Variants in TFEC observed in about 807,000 individuals in gnomAD.
TFEC encodes the protein class E basic helix-loop-helix protein 34.
In TFEC, 31 loss-of-function variants were observed where a neutral mutation model predicts 41.6. The ratio of observed to expected loss-of-function variants is 0.74; its 90% CI spans 0.56 to 1.01. The LOEUF (loss-of-function observed/expected upper bound fraction) is 1.01, where lower values mean the gene tolerates loss of function less well. Ranked by LOEUF, TFEC falls within the 50% of genes least tolerant of loss-of-function variation. The pLI is 0.00. For synonymous variants in TFEC, 143 were observed against 140.6 expected (o/e 1.02, Z -0.12); for missense variants, 402 against 404.1 (o/e 0.99, Z 0.04).
chr7:116,128,922 A>G (rs1798271345), intron 1 of TFEC, among the ~76,000 whole-genome samples: 1 of 152,214 alleles, frequency 6.6e-6, no homozygotes, highest in South Asian at 2.1e-4. Flanking sequence ...AGAAACAGAA[A>G]AAGACAATAG....
chr7:115,975,180 G>A (rs928900245), intron 2 of TFEC, among the ~76,000 whole-genome samples: 1 of 150,704 alleles, frequency 6.6e-6, no homozygotes, highest in Non-Finnish European at 1.5e-5. Context: ...TTAGCTAGGG[G>A]AGATTTTTAA....
intron 3 of TFEC, among the ~76,000 whole-genome samples, chr7:116,094,505 C>T (rs1797405053): frequency 6.6e-6 from 1 of 151,878 alleles, no homozygotes; most frequent in Admixed American, 6.6e-5. Flanking sequence ...ATGATGAAAT[C>T]CCGTCTCTAC....
intron 5 of TFEC, 73 bp downstream of exon 5, chr7:115,954,513 A>G (rs1792114004): frequency 7.8e-7 from 1 of 1,278,552 alleles, no homozygotes; most frequent in Non-Finnish European, 1.1e-6. Context: ...ATGGAGTATA[A>G]TAAAAGACCA....
intron 1 of TFEC, among the ~76,000 whole-genome samples, chr7:116,010,559 C>A (rs992235706): frequency 6.6e-6 from 1 of 152,106 alleles, no homozygotes; most frequent in Non-Finnish European, 1.5e-5. Context: ...AAATAGGTAG[C>A]TAGACGTATG....
intron 3 of TFEC, among the ~76,000 whole-genome samples, chr7:116,072,069 A>G (rs921536803): frequency 3.3e-5 from 5 of 151,560 alleles, no homozygotes; most frequent in African/African-American, 1.2e-4. Context: ...ATAGCTGAAT[A>G]TGTGTGTGTT....
At chr7:115,942,159 G>A in intron 6 of TFEC, 119 bp from the exon 7 acceptor site, 2 of 1,026,324 alleles carry the variant, frequency 1.9e-6, no homozygotes, top group South Asian at 5.3e-5. Context: ...TTCACTCTTA[G>A]ATATTATTGC....
At chr7:116,044,860 C>A (rs144525410) in intron 3 of TFEC, among the ~76,000 whole-genome samples, 1 of 152,296 alleles carries the variant, frequency 6.6e-6, no homozygotes, top group East Asian at 1.9e-4. Context: ...TTTTTTCCCC[C>A]AAATTTATTT....
At chr7:116,054,449 A>G (rs555343966) in intron 3 of TFEC, among the ~76,000 whole-genome samples, 2 of 152,298 alleles carry the variant, frequency 1.3e-5, no homozygotes, top group African/African-American at 4.8e-5. Context: ...GTGAGAGACC[A>G]AAGTACTGGA....
chr7:115,962,167 A>T (rs36106227), intron 3 of TFEC, among the ~76,000 whole-genome samples: 20,784 of 151,804 alleles, frequency 0.14, 1,926 homozygotes, highest in Non-Finnish European at 0.21. Context: ...ACTGAAAACT[A>T]AAAAATACTG....
intron 1 of TFEC, among the ~76,000 whole-genome samples, chr7:116,139,063 C>T (rs2116373820): frequency 6.6e-6 from 1 of 152,238 alleles, no homozygotes; most frequent in Non-Finnish European, 1.5e-5. Context: ...TCTGGGGTTG[C>T]CGTGGCAGAT....
At chr7:116,004,295 A>G (rs1263626491) in intron 1 of TFEC, among the ~76,000 whole-genome samples, 2 of 152,222 alleles carry the variant, frequency 1.3e-5, no homozygotes, top group African/African-American at 2.4e-5. Context: ...AAAAGAATAA[A>G]TATCTATACA....
chr7:116,057,625 T>C (rs1796459526), intron 3 of TFEC, among the ~76,000 whole-genome samples: 1 of 151,910 alleles, frequency 6.6e-6, no homozygotes. Context: ...ATTATTTAAG[T>C]ATCTCTAAAA....
chr7:116,069,731 T>C (rs899157549), intron 3 of TFEC, among the ~76,000 whole-genome samples: 2 of 151,806 alleles, frequency 1.3e-5, no homozygotes, highest in Non-Finnish European at 3.0e-5. Flanking sequence ...CTGCTTTAGT[T>C]GATGGGGTTC....
At chr7:116,111,878 T>G (rs1234971631) in intron 2 of TFEC, 1 of 361,292 alleles carries the variant, frequency 2.8e-6, no homozygotes, top group Non-Finnish European at 3.9e-6. Flanking sequence ...AAACTCTGGT[T>G]TTAGTGTTTA....
intron 1 of TFEC, among the ~76,000 whole-genome samples, chr7:116,022,333 A>G (rs890533783): frequency 2.0e-5 from 3 of 152,194 alleles, no homozygotes; most frequent in African/African-American, 7.2e-5. Context: ...GTAATTTCTC[A>G]GCTTTCACAA....
At chr7:115,944,013 A>AT (rs1160114562) in intron 6 of TFEC, among the ~76,000 whole-genome samples, 792 of 22,798 alleles carry the variant, frequency 0.035, 142 homozygotes, top group African/African-American at 0.084. Context: ...ACAGGTCTGA[A>AT]TTTTTTTTTT....
intron 3 of TFEC, among the ~76,000 whole-genome samples, chr7:116,057,668 A>G (rs980170844): frequency 1.3e-5 from 2 of 151,904 alleles, no homozygotes; most frequent in African/African-American, 4.8e-5. Flanking sequence ...TTGATAATTG[A>G]CTATCTAAAC....
intron 1 of TFEC, among the ~76,000 whole-genome samples, chr7:115,992,154 C>T (rs932506880): frequency 2.6e-5 from 4 of 152,124 alleles, no homozygotes; most frequent in African/African-American, 9.7e-5. Flanking sequence ...TTCTTTGAAA[C>T]CAATGAGAAC....
chr7:116,141,129 C>T (rs997732951), intron 1 of TFEC, among the ~76,000 whole-genome samples: 1 of 151,992 alleles, frequency 6.6e-6, no homozygotes, highest in African/African-American at 2.4e-5. Flanking sequence ...TAAGTAAGTG[C>T]TGTAAGAGTT....
Sources: allele counts gnomAD v4.1 joint callset (sites outside exome capture counted in the v4.1 genomes callset), GRCh38; gene constraint gnomAD v4.1.1; transcripts MANE v1.5; gene names NCBI Gene and HGNC (gene_info 2026-07-23, HGNC 2026-07-21).